The following GSG1L variants were observed in gnomAD, a reference collection of about 807,000 sequenced individuals.
GSG1L encodes the protein germ cell-specific gene 1-like protein.
In GSG1L, 24 loss-of-function variants were observed where a neutral mutation model predicts 42.1. That is an observed-to-expected ratio of 0.57 (90% CI 0.41 to 0.80). GSG1L has a LOEUF of 0.80. Among genes scored for constraint, GSG1L ranks in the 30% least tolerant of loss-of-function variants. The pLI is 0.00. For synonymous variants in GSG1L, 215 were observed against 203.5 expected, an observed-to-expected ratio of 1.06 and a Z score of -0.48; for missense variants, 445 against 472.2, an observed-to-expected ratio of 0.94 and a Z score of 0.53.
At chr16:27,865,523 CTATATATATATATATATATATATA>C (rs1172385916) in intron 3 of GSG1L, among the ~76,000 whole-genome samples, 6 of 58,254 alleles carry the variant, frequency 1.0e-4, no homozygotes, top group African/African-American at 3.2e-4. Flanking sequence ...CTCTCTCTTT[CTATATATATATATATATATATATA>C]TATATATATA....
chr16:27,855,890 T>C (rs777051220), intron 3 of GSG1L, among the ~76,000 whole-genome samples: 6 of 151,874 alleles, frequency 4.0e-5, no homozygotes, highest in Admixed American at 1.3e-4. Context: ...CACCGGGTGC[T>C]CTGTTCTGGG....
intron 2 of GSG1L, among the ~76,000 whole-genome samples, chr16:27,936,575 C>G (rs1472827441): frequency 6.6e-6 from 1 of 152,158 alleles, no homozygotes; most frequent in Non-Finnish European, 1.5e-5. Context: ...GCTTCTCGTA[C>G]AGCCTGCAGA....
chr16:27,828,717 G>T, intron 5 of GSG1L, 72 bp downstream of exon 5: 6 of 1,442,172 alleles, frequency 4.2e-6, no homozygotes, highest in Non-Finnish European at 5.7e-6. Context: ...ACTGGGGCCC[G>T]GTGGCCACTG....
In GSG1L at chr16:27,797,821, C is replaced by CAA. The variant is rs59207468; in HGVS notation, c.899-6356_899-6355dup. On this transcript the variant is annotated intron_variant, in intron 6 of 6. Coordinates refer to ENST00000447459, the MANE Select transcript of GSG1L (RefSeq NM_001109763.2). ...TGGGTGACAGAGAGAGACTCCATCT[C>CAA]AAAAAAAAAAAAAAAAAAAAAAGAG... Among the ~76,000 whole-genome samples, 224 of 76,548 alleles carry CAA rather than the reference C, an allele frequency of 2.9e-3. 2 individuals are homozygous for CAA. Among genetic ancestry groups the CAA allele is most frequent in the East Asian group, 5.4e-3 (11 of 2,032 alleles). The allele number at this position is 76,548 out of a possible 152,430, so 50.2% of individuals were successfully genotyped here.
At chr16:28,045,113 G>A (rs140308863) in intron 1 of GSG1L, among the ~76,000 whole-genome samples, 8 of 152,256 alleles carry the variant, frequency 5.3e-5, no homozygotes, top group African/African-American at 1.9e-4. Context: ...GTAGTGAAAC[G>A]ACTCTGTCTG....
intron 1 of GSG1L, among the ~76,000 whole-genome samples, chr16:27,972,167 C>A (rs2085200427): frequency 6.6e-6 from 1 of 152,190 alleles, no homozygotes; most frequent in South Asian, 2.1e-4. Context: ...CCAAGAGGGG[C>A]CAAAATAAAT....
chr16:28,043,736 T>C (rs1596726699), intron 1 of GSG1L, among the ~76,000 whole-genome samples: 3 of 152,378 alleles, frequency 2.0e-5, no homozygotes, highest in Non-Finnish European at 4.4e-5. Flanking sequence ...TGAAAGACGG[T>C]TTGGGCCGGG....
intron 1 of GSG1L, among the ~76,000 whole-genome samples, chr16:27,973,957 A>G (rs1007508152): frequency 1.1e-3 from 166 of 152,180 alleles, no homozygotes; most frequent in African/African-American, 3.7e-3. Context: ...ATGCCCATCA[A>G]TGTTGCCTGG....
chr16:27,919,023 C>A (rs1050744074), intron 2 of GSG1L, among the ~76,000 whole-genome samples: 1 of 152,098 alleles, frequency 6.6e-6, no homozygotes, highest in African/African-American at 2.4e-5. Flanking sequence ...CAGGCACTAC[C>A]AATTGAGAAT....
intron 1 of GSG1L, among the ~76,000 whole-genome samples, chr16:27,965,587 G>C (rs949758262): frequency 6.6e-6 from 1 of 152,144 alleles, no homozygotes; most frequent in African/African-American, 2.4e-5. Flanking sequence ...TGAGGACAGG[G>C]ACCAAGTCTT....
intron 2 of GSG1L, among the ~76,000 whole-genome samples, chr16:27,936,579 C>G (rs1169564777): frequency 1.3e-5 from 2 of 152,162 alleles, no homozygotes; most frequent in Non-Finnish European, 2.9e-5. Flanking sequence ...CTCGTACAGC[C>G]TGCAGAACCA....
At chr16:28,036,561 C>A (rs763131612) in intron 1 of GSG1L, among the ~76,000 whole-genome samples, 18 of 152,188 alleles carry the variant, frequency 1.2e-4, no homozygotes, top group Non-Finnish European at 2.1e-4. Context: ...GGCTGCCTCT[C>A]CTTTCCCATC....
At chr16:27,986,257 T>G (rs2085380593) in intron 1 of GSG1L, among the ~76,000 whole-genome samples, 2 of 152,298 alleles carry the variant, frequency 1.3e-5, no homozygotes, top group Middle Eastern at 6.8e-3. Context: ...TTCAGCATTT[T>G]GGGAGGCCAA....
chr16:27,892,694 G>T (rs562144634), intron 2 of GSG1L, among the ~76,000 whole-genome samples: 6 of 151,626 alleles, frequency 4.0e-5, no homozygotes, highest in Non-Finnish European at 8.8e-5. Context: ...GGAGGCTGAG[G>T]CAGGAGAATT....
At chr16:27,883,574 A>G (rs1045585321) in intron 3 of GSG1L, among the ~76,000 whole-genome samples, 25 of 152,188 alleles carry the variant, frequency 1.6e-4, no homozygotes, top group Admixed American at 1.5e-3. Context: ...CCTTACCAGG[A>G]GGCTCATCGT....
chr16:28,040,878 G>A lies in GSG1L; in HGVS notation c.349+22198C>T, dbSNP rs886462050. On this transcript the variant is annotated intron_variant, in intron 1 of 6. Coordinates refer to ENST00000447459, the MANE Select transcript of GSG1L (RefSeq NM_001109763.2). This position sits in a 1 kb window ranked among gnomAD's most constrained non-coding sequence, Gnocchi z 4.1. ...TCCCCATCCCAGACCATCTCTCTGC[G>A]TTCCGAGGGCCTTATTCAGACCCCA... 3.9e-5 allele frequency among the ~76,000 whole-genome samples: 6 copies of A among 152,170 alleles called. No individual in the cohort carries two copies. Among genetic ancestry groups the A allele is most frequent in the South Asian group, 2.1e-4 (1 of 4,828 alleles).
chr16:27,863,085 T>C (rs1163939032), intron 3 of GSG1L, among the ~76,000 whole-genome samples: 1 of 152,244 alleles, frequency 6.6e-6, no homozygotes, highest in African/African-American at 2.4e-5. Flanking sequence ...TGCTGATTTA[T>C]CTGTTTCTTC....
intron 1 of GSG1L, among the ~76,000 whole-genome samples, chr16:28,029,088 T>G (rs975005337): frequency 3.3e-5 from 5 of 152,346 alleles, no homozygotes; most frequent in Non-Finnish European, 7.3e-5. Flanking sequence ...TGTTTCTGAG[T>G]ACCTTCTCCA....
intron 2 of GSG1L, among the ~76,000 whole-genome samples, chr16:27,936,385 G>A (rs775006843): frequency 6.6e-5 from 10 of 151,896 alleles, no homozygotes; most frequent in Non-Finnish European, 1.2e-4. Context: ...TGTGTGGGAC[G>A]AGGGTGGAAG....
Sources: allele counts gnomAD v4.1 joint callset (sites outside exome capture counted in the v4.1 genomes callset), GRCh38; gene constraint gnomAD v4.1.1; non-coding constraint Gnocchi (gnomAD v3.1); transcripts MANE v1.5; gene names NCBI Gene and HGNC (gene_info 2026-07-23, HGNC 2026-07-21).